Variants in SDK1 observed in about 807,000 individuals in gnomAD.
The protein encoded by SDK1 is sidekick cell adhesion molecule 1, also known as protein sidekick-1.
SDK1 carries 157 observed loss-of-function variants against 245.5 expected under a neutral mutation model. The ratio of observed to expected loss-of-function variants is 0.64; its 90% CI spans 0.56 to 0.73. The LOEUF is 0.73. Ranked by LOEUF, SDK1 falls within the 30% of genes least tolerant of loss-of-function variation. The pLI is 0.00. For missense variants in SDK1, 3,583 were observed against 3,002.3 expected, an observed-to-expected ratio of 1.19 and a Z score of -4.52; for synonymous variants, 1,647 against 1,278.5, an observed-to-expected ratio of 1.29 and a Z score of -6.15.
At chr7:4,074,918 T>TTTTC (rs1780561395) in intron 20 of SDK1, among the ~76,000 whole-genome samples, 1 of 60,812 alleles carries the variant, frequency 1.6e-5, no homozygotes, top group East Asian at 4.0e-4. Flanking sequence ...ATATATATAT[T>TTTTC]TTTTTTTTTT....
At chr7:3,995,479 CCAA>C (rs1784632661) in intron 14 of SDK1, among the ~76,000 whole-genome samples, 1 of 152,198 alleles carries the variant, frequency 6.6e-6, no homozygotes, top group African/African-American at 2.4e-5. Flanking sequence ...GGCGCTGACC[CCAA>C]CACCTCCCTC....
chr7:3,752,292 CCTTT>C (rs1234202749), intron 4 of SDK1, among the ~76,000 whole-genome samples: 2 of 152,054 alleles, frequency 1.3e-5, no homozygotes, highest in Non-Finnish European at 2.9e-5. Flanking sequence ...TTCAAAGACC[CCTTT>C]CTTTTGATTT....
At chr7:4,229,036 G>C (rs570732266) in intron 40 of SDK1, among the ~76,000 whole-genome samples, 3 of 152,324 alleles carry the variant, frequency 2.0e-5, no homozygotes, top group Admixed American at 2.0e-4. Context: ...AGGCACTGGG[G>C]ACTGTCCAGA....
chr7:3,402,863 G>A (rs1180487434), intron 1 of SDK1, among the ~76,000 whole-genome samples: 1 of 152,146 alleles, frequency 6.6e-6, no homozygotes, highest in Non-Finnish European at 1.5e-5. Context: ...ATATAAATGT[G>A]ATAGCTTCTG....
At position 4,130,079 on chromosome 7, in the gene SDK1, G is replaced by C. The variant is rs1425526722; in HGVS notation, c.4111G>C (p.Glu1371Gln). The change falls in exon 27 of 45, where the codon GAG becomes CAG. Residue 1371 changes from glutamate (E) to glutamine (Q), a missense_variant. Glu to Gln is a conservative substitution (Grantham distance 29). Coordinates refer to ENST00000404826, the MANE Select transcript of SDK1 (RefSeq NM_152744.4). ...NGVPSTPLIL[E>Q]RTKDDAPGPP... ...GGTCCCCAGCACGCCCCTCATCCTG[G>C]AGCGCACCAAAGACGATGGTAGGTC... The C allele has an allele frequency of 1.2e-6, 2 of 1,606,854 alleles. No homozygotes were observed. The highest frequency in any genetic ancestry group is 3.4e-5 in the Admixed American group (2 of 59,570).
rs1320032356 is a variant in SDK1 at position 4,205,892 on chromosome 7, C to T, written c.5112C>T (p.Ala1704=). Residue 1704 remains alanine (A), a synonymous_variant, in exon 36 of 45, where the codon GCC becomes GCT. Coordinates refer to ENST00000404826, the MANE Select transcript of SDK1 (RefSeq NM_152744.4). The part of the protein sequence containing the change: ...VFVGEAAPAM[A]PQNVQVTPLT... ...CTCTTTCCTCAGCCCCGGCCATGGC[C>T]CCGCAGAACGTGCAGGTGACCCCAC... is the stretch of plus-strand genomic sequence containing the variant. The T allele has an allele frequency of 1.4e-5, 21 of 1,554,752 alleles. No individual in the cohort carries two copies. The highest frequency in any genetic ancestry group is 2.4e-5 in the East Asian group (1 of 41,154).
rs755398840 is a variant in SDK1, at chr7:4,248,427, G to A, written c.6381+2622G>A. On this transcript the variant is annotated intron_variant, in intron 44 of 44. Transcript: ENST00000404826. Reference sequence around the variant, plus strand: ...TGTACACATACACACATGCACACACGTATACCTATACACCTGAATACATGC... The same window carrying A: ...TGTACACATACACACATGCACACACATATACCTATACACCTGAATACATGC... Among the ~76,000 whole-genome samples, 553 of 146,232 alleles carry A rather than the reference G, an allele frequency of 3.8e-3. 4 individuals are homozygous for A. The highest frequency in any genetic ancestry group is 0.013 in the African/African-American group (519 of 39,336).
chr7:3,443,298 C>G (rs78047253), intron 1 of SDK1, among the ~76,000 whole-genome samples: 7 of 152,058 alleles, frequency 4.6e-5, no homozygotes, highest in African/African-American at 1.4e-4. Flanking sequence ...TTATGTTTGA[C>G]AATTTTAGAA....
At chr7:3,368,024 A>G (rs548640699) in intron 1 of SDK1, among the ~76,000 whole-genome samples, 17 of 152,340 alleles carry the variant, frequency 1.1e-4, no homozygotes, top group Admixed American at 3.3e-4. Context: ...CCATCACATC[A>G]TCAGATCTCT....
intron 1 of SDK1, among the ~76,000 whole-genome samples, chr7:3,341,593 G>T (rs1387099334): frequency 2.0e-5 from 3 of 152,210 alleles, no homozygotes; most frequent in Non-Finnish European, 4.4e-5. Flanking sequence ...TTGAACTGAG[G>T]AGTTCAACAT....
intron 1 of SDK1, among the ~76,000 whole-genome samples, chr7:3,346,232 C>G (rs1318485098): frequency 2.0e-5 from 3 of 152,020 alleles, no homozygotes; most frequent in Non-Finnish European, 4.4e-5. Flanking sequence ...TGGGCACCAG[C>G]GAGAAGAGGA....
At position 3,761,663 on chromosome 7, in the gene SDK1, G is replaced by A. The variant is rs565646898; in HGVS notation, c.714-59787G>A. Among the ~76,000 whole-genome samples the A allele has an allele frequency of 3.3e-5, 5 of 151,822 alleles. No individual in the cohort carries two copies. In the South Asian group the frequency reaches 6.3e-4, roughly 19 times the overall value. On this transcript the variant is annotated intron_variant, in intron 4 of 44. Coordinates refer to ENST00000404826, the MANE Select transcript of SDK1 (RefSeq NM_152744.4). ...CAGAAAACATCTAGGATGCTGGAGC[G>A]CAGAGAACACAGGAATGACTCAGGA...
intron 5 of SDK1, among the ~76,000 whole-genome samples, chr7:3,938,507 G>A (rs528290390): frequency 3.9e-5 from 6 of 152,074 alleles, no homozygotes; most frequent in East Asian, 1.9e-4. Context: ...TTAGCCGGGC[G>A]TGGTGGCAGG....
intron 4 of SDK1, 131 bp from the exon 5 acceptor site, chr7:3,821,319 A>C: frequency 5.9e-6 from 6 of 1,015,518 alleles, no homozygotes; most frequent in Non-Finnish European, 8.5e-6. Flanking sequence ...CGGCCTGTGT[A>C]TTGTTTTTGT....
intron 1 of SDK1, among the ~76,000 whole-genome samples, chr7:3,309,465 C>T (rs1316544779): frequency 3.3e-5 from 5 of 150,524 alleles, no homozygotes; most frequent in African/African-American, 9.7e-5. Context: ...TTTATAATAC[C>T]CAGCTATGTG....
At chr7:3,352,470 C>T (rs1182150300) in intron 1 of SDK1, among the ~76,000 whole-genome samples, 1 of 152,142 alleles carries the variant, frequency 6.6e-6, no homozygotes, top group East Asian at 1.9e-4. Context: ...ACGAGATTTA[C>T]ATCCAGAGCT....
chr7:3,808,695 T>A (rs1396155664), intron 4 of SDK1, among the ~76,000 whole-genome samples: 1 of 152,176 alleles, frequency 6.6e-6, no homozygotes, highest in Non-Finnish European at 1.5e-5. Flanking sequence ...AGTTTCTACC[T>A]GATGGCTGTT....
chr7:3,797,807 A>G (rs771898256), intron 4 of SDK1, among the ~76,000 whole-genome samples: 56 of 152,086 alleles, frequency 3.7e-4, no homozygotes, highest in Non-Finnish European at 7.2e-4. Flanking sequence ...GTTGATTTCT[A>G]GCTCTTCCTT....
intron 5 of SDK1, among the ~76,000 whole-genome samples, chr7:3,850,690 C>T (rs973200099): frequency 2.6e-5 from 4 of 152,128 alleles, no homozygotes; most frequent in South Asian, 2.1e-4. Context: ...AAAAAGGATG[C>T]GTTCATGTCT....
Sources: allele counts gnomAD v4.1 joint callset (sites outside exome capture counted in the v4.1 genomes callset), GRCh38; gene constraint gnomAD v4.1.1; transcripts MANE v1.5; gene names NCBI Gene and HGNC (gene_info 2026-07-23, HGNC 2026-07-21).